Variants in GUCY1A2 observed in about 807,000 individuals in gnomAD.
GUCY1A2 encodes guanylate cyclase soluble subunit alpha-2.
A neutral mutation model predicts 63.5 loss-of-function variants in GUCY1A2; 27 were observed. That is an observed-to-expected ratio of 0.43 (90% CI 0.31 to 0.59). GUCY1A2 has a LOEUF of 0.59. Ranked by LOEUF, GUCY1A2 falls within the 20% of genes least tolerant of loss-of-function variation. The pLI, the probability that GUCY1A2 is intolerant of heterozygous loss-of-function variation, is 0.11. For missense variants in GUCY1A2, 768 were observed against 913.3 expected, an observed-to-expected ratio of 0.84 and a Z score of 2.05; for synonymous variants, 364 against 343.5, an observed-to-expected ratio of 1.06 and a Z score of -0.66.
chr11:106,915,631 G>A (rs1369054173), intron 4 of GUCY1A2, among the ~76,000 whole-genome samples: 1 of 140,646 alleles, frequency 7.1e-6, no homozygotes, highest in African/African-American at 2.5e-5. Flanking sequence ...TGATTATCTC[G>A]CTGTAAATTC....
intron 4 of GUCY1A2, among the ~76,000 whole-genome samples, chr11:106,907,642 G>A (rs1376735287): frequency 2.0e-5 from 3 of 152,032 alleles, no homozygotes. Context: ...ACCTATGAGT[G>A]AGAACATGCG....
chr11:106,748,825 T>C (rs1863835158), intron 6 of GUCY1A2, among the ~76,000 whole-genome samples: 1 of 152,102 alleles, frequency 6.6e-6, no homozygotes, highest in Non-Finnish European at 1.5e-5. Flanking sequence ...TAGGGAGTTA[T>C]GAAGAGCAGT....
At chr11:106,866,573 T>C (rs1859597301) in intron 4 of GUCY1A2, among the ~76,000 whole-genome samples, 1 of 152,092 alleles carries the variant, frequency 6.6e-6, no homozygotes, top group African/African-American at 2.4e-5. Context: ...TTCTGCAAGT[T>C]GGTCCTTCTA....
chr11:106,986,381 T>C (rs1366006885), intron 1 of GUCY1A2, among the ~76,000 whole-genome samples: 1 of 152,210 alleles, frequency 6.6e-6, no homozygotes, highest in African/African-American at 2.4e-5. Context: ...TTCAATTCTT[T>C]TGTAACAGCT....
intron 4 of GUCY1A2, among the ~76,000 whole-genome samples, chr11:106,819,952 A>T (rs943150266): frequency 1.3e-5 from 2 of 152,216 alleles, no homozygotes; most frequent in Admixed American, 1.3e-4. Context: ...TCATAGACAT[A>T]GAGATTAAAA....
chr11:106,924,982 G>A (rs1464774055), intron 4 of GUCY1A2, among the ~76,000 whole-genome samples: 3 of 152,060 alleles, frequency 2.0e-5, no homozygotes, highest in Admixed American at 2.0e-4. Flanking sequence ...ACTCCAGCCT[G>A]GGTGACAGAG....
At chr11:106,869,435 A>G (rs187269415) in intron 4 of GUCY1A2, among the ~76,000 whole-genome samples, 5 of 152,316 alleles carry the variant, frequency 3.3e-5, no homozygotes, top group Non-Finnish European at 7.3e-5. Flanking sequence ...AACCCCATCA[A>G]CAAGGGGCAA....
intron 6 of GUCY1A2, 77 bp downstream of exon 6, chr11:106,776,362 G>T: frequency 8.5e-7 from 1 of 1,169,920 alleles, no homozygotes; most frequent in South Asian, 1.4e-5. Flanking sequence ...ACAAAAAGTA[G>T]AACTTGGAAG....
At chr11:107,009,289 T>A (rs867834585) in intron 1 of GUCY1A2, among the ~76,000 whole-genome samples, 13 of 152,210 alleles carry the variant, frequency 8.5e-5, no homozygotes, top group Admixed American at 2.0e-4. Context: ...AATTCTGGCA[T>A]TCAGATCTGT....
chr11:106,918,778 T>C (rs1860401747), intron 4 of GUCY1A2, among the ~76,000 whole-genome samples: 1 of 110,716 alleles, frequency 9.0e-6, no homozygotes, highest in African/African-American at 2.7e-5. Flanking sequence ...TTCTTTCCAG[T>C]CAATGAATTA....
In GUCY1A2 at chr11:106,680,498, C is replaced by A. The variant is rs11211859; in HGVS notation, c.*7051G>T. On this transcript the variant is annotated 3_prime_UTR_variant, in exon 8 of 8. Transcript: ENST00000526355. ...TGCTTTTAAATAATAAGCAACAATA[C>A]TTAAGTCTAATATAAAGAATGATCT... 5.0e-6 allele frequency: 1 copy of A among 199,786 alleles called. No homozygotes were observed. The allele number at this position is 199,786 out of a possible 1,614,324, so 12.4% of individuals were successfully genotyped here. A position where few individuals can be genotyped will look rare whatever the true frequency, so the allele number is the denominator to read the frequency against.
chr11:106,978,734 C>T lies in GUCY1A2; in HGVS notation c.372G>A (p.Arg124=), dbSNP rs1212633592. Residue 124 remains arginine, a synonymous_variant, in exon 3 of 8, where the codon AGG becomes AGA. Coordinates refer to ENST00000526355, the MANE Select transcript of GUCY1A2 (RefSeq NM_000855.3). ...QYYEHQVIGY[R]DAEKNFHNIS... is the part of the protein sequence containing the mutation. ...TATTGTGGAAATTCTTTTCTGCATC[C>T]CTGTAACTAAGAAGAAAACAAAATT... 3 of 1,594,282 alleles carry T rather than the reference C, an allele frequency of 1.9e-6. No individual in the cohort carries two copies. Among genetic ancestry groups the T allele is most frequent in the Non-Finnish European group, 2.6e-6 (3 of 1,172,258 alleles).
chr11:106,726,367 G>A (rs1295526082), intron 6 of GUCY1A2, among the ~76,000 whole-genome samples: 1 of 152,100 alleles, frequency 6.6e-6, no homozygotes, highest in African/African-American at 2.4e-5. Context: ...AGTGAGCCGA[G>A]ACCGGGCCAT....
chr11:106,873,404 T>C (rs1359183756), intron 4 of GUCY1A2, among the ~76,000 whole-genome samples: 2 of 152,156 alleles, frequency 1.3e-5, no homozygotes, highest in Non-Finnish European at 1.5e-5. Flanking sequence ...AAAGCATTCC[T>C]ATTTCTCCAC....
intron 7 of GUCY1A2, among the ~76,000 whole-genome samples, chr11:106,695,202 T>C (rs529558450): frequency 4.6e-5 from 7 of 152,142 alleles, no homozygotes; most frequent in Non-Finnish European, 1.0e-4. Context: ...TGTTTGTATG[T>C]GTATATGTCA....
chr11:106,964,794 G>A (rs558397049), intron 3 of GUCY1A2, among the ~76,000 whole-genome samples: 60 of 152,026 alleles, frequency 3.9e-4, no homozygotes, highest in Middle Eastern at 3.4e-3. Flanking sequence ...CCTGGCTAAC[G>A]CGGTGAAACC....
At chr11:106,763,405 A>G (rs1407990153) in intron 6 of GUCY1A2, among the ~76,000 whole-genome samples, 1 of 152,074 alleles carries the variant, frequency 6.6e-6, no homozygotes, top group Non-Finnish European at 1.5e-5. Flanking sequence ...GGCAGAAAAC[A>G]ACATTAAATC....
Position 106,793,421 on chromosome 11 carries a change from C to A in GUCY1A2, c.1692+16572G>T, listed in dbSNP as rs543225779. ...TTTAGCTAAAAACATAAGGACAAAG[C>A]TCTGTGACACTGGCCTTAGCAATGA... On this transcript the variant is annotated intron_variant, in intron 5 of 7. Coordinates refer to ENST00000526355, the MANE Select transcript of GUCY1A2 (RefSeq NM_000855.3). 2.6e-5 allele frequency among the ~76,000 whole-genome samples: 4 copies of A among 152,196 alleles called. 2 individuals are homozygous for A. Among genetic ancestry groups the A allele is most frequent in the African/African-American group, 9.6e-5 (4 of 41,544 alleles).
intron 4 of GUCY1A2, among the ~76,000 whole-genome samples, chr11:106,933,647 T>A (rs1361580282): frequency 6.6e-6 from 1 of 152,218 alleles, no homozygotes; most frequent in East Asian, 1.9e-4. Flanking sequence ...TGCACTCATA[T>A]GATTATTGCA....
Sources: allele counts gnomAD v4.1 joint callset (sites outside exome capture counted in the v4.1 genomes callset), GRCh38; gene constraint gnomAD v4.1.1; transcripts MANE v1.5; gene names NCBI Gene and HGNC (gene_info 2026-07-23, HGNC 2026-07-21).